The following HDAC4 variants were observed in gnomAD, a reference collection of about 807,000 sequenced individuals.
HDAC4 encodes the protein histone deacetylase A.
A neutral mutation model predicts 135.1 loss-of-function variants in HDAC4; 16 were observed. The ratio of observed to expected loss-of-function variants is 0.12; its 90% CI spans 0.08 to 0.18. The LOEUF (loss-of-function observed/expected upper bound fraction) is 0.18. Ranked by LOEUF, HDAC4 falls within the 10% of genes least tolerant of loss-of-function variation. The probability of loss-of-function intolerance (pLI) is 1.00; values close to 1 mark genes in which losing one functional copy is unlikely to be tolerated. For synonymous variants in HDAC4, 685 were observed against 653.4 expected (o/e 1.05, Z -0.74); for missense variants, 1,143 against 1,511.8 (o/e 0.76, Z 4.05).
At chr2:239,383,126 A>G (rs1175262580) in intron 1 of HDAC4, among the ~76,000 whole-genome samples, 1 of 152,200 alleles carries the variant, frequency 6.6e-6, no homozygotes, top group African/African-American at 2.4e-5. Flanking sequence ...ACGGTCTCAC[A>G]GTCCAGTTCA....
At chr2:239,089,964 T>A in intron 18 of HDAC4, 45 bp downstream of exon 18, 2 of 1,398,284 alleles carry the variant, frequency 1.4e-6, no homozygotes, top group Non-Finnish European at 2.0e-6. Context: ...TGGGAATCTA[T>A]GGCAGGCCTC....
intron 17 of HDAC4, chr2:239,091,336 C>T (rs2036486712): frequency 6.6e-6 from 1 of 152,262 alleles, no homozygotes; most frequent in Non-Finnish European, 1.5e-5. Flanking sequence ...AAGTGTGTCC[C>T]TTGCCTGCAA....
intron 2 of HDAC4, among the ~76,000 whole-genome samples, chr2:239,351,180 T>G (rs1054922488): frequency 1.3e-5 from 2 of 152,246 alleles, no homozygotes; most frequent in East Asian, 3.8e-4. Context: ...TCCTGGAATT[T>G]GTCTAGTAGT....
intron 23 of HDAC4, among the ~76,000 whole-genome samples, chr2:239,067,160 A>G (rs967492516): frequency 6.6e-6 from 1 of 152,240 alleles, no homozygotes; most frequent in African/African-American, 2.4e-5. Flanking sequence ...CGGCCCCCGC[A>G]GAGGGGCTAT....
At chr2:239,093,525 T>C (rs1217331477) in intron 17 of HDAC4, among the ~76,000 whole-genome samples, 1 of 152,184 alleles carries the variant, frequency 6.6e-6, no homozygotes, top group African/African-American at 2.4e-5. Flanking sequence ...TCTTCTTCCT[T>C]TTGGAAAACA....
At chr2:239,239,449 G>T (rs1224925690) in intron 2 of HDAC4, among the ~76,000 whole-genome samples, 1 of 152,134 alleles carries the variant, frequency 6.6e-6, no homozygotes, top group South Asian at 2.1e-4. Flanking sequence ...TCGTCTCTGC[G>T]TCCTGGTGAC....
At chr2:239,289,966 A>T (rs1451307996) in intron 2 of HDAC4, among the ~76,000 whole-genome samples, 1 of 152,238 alleles carries the variant, frequency 6.6e-6, no homozygotes, top group African/African-American at 2.4e-5. Context: ...ACCATTTTTG[A>T]GTTAAGGAAA....
At chr2:239,376,035 G>T (rs1409381722) in intron 1 of HDAC4, among the ~76,000 whole-genome samples, 1 of 152,236 alleles carries the variant, frequency 6.6e-6, no homozygotes, top group East Asian at 1.9e-4. Context: ...CCTAAAGCAG[G>T]GCTGGCAGGT....
chr2:239,146,815 T>C lies in HDAC4; in HGVS notation c.734-2101A>G, dbSNP rs181972904. 4.9e-3 allele frequency among the ~76,000 whole-genome samples: 682 copies of C among 139,612 alleles called. 3 individuals carry two copies. The highest frequency in any genetic ancestry group is 0.018 in the African/African-American group (650 of 37,080). The allele number at this position is 139,612 out of a possible 152,430, so 91.6% of individuals were successfully genotyped here. On this transcript the variant is annotated intron_variant, in intron 7 of 26. Coordinates refer to ENST00000543185, the MANE Select transcript of HDAC4 (RefSeq NM_001378414.1). This position sits in a 1 kb window ranked among gnomAD's most constrained non-coding sequence, Gnocchi z 4.5. ...TGCCCCCATCACAGCCCCACTGCCC[T>C]GTCTTCCTCACAGCAGCCTTCTCAC...
At chr2:239,388,514 G>C (rs1284819562) in intron 1 of HDAC4, among the ~76,000 whole-genome samples, 2 of 152,224 alleles carry the variant, frequency 1.3e-5, no homozygotes, top group African/African-American at 4.8e-5. Context: ...AGCATCCTCA[G>C]ATGACCAGCA....
intron 2 of HDAC4, among the ~76,000 whole-genome samples, chr2:239,327,377 C>T (rs1006214222): frequency 6.6e-6 from 1 of 152,220 alleles, no homozygotes; most frequent in Non-Finnish European, 1.5e-5. Context: ...GAAACTGGGG[C>T]CCAGGTCCCC....
At chr2:239,092,474 C>T (rs1334039955) in intron 17 of HDAC4, among the ~76,000 whole-genome samples, 8 of 152,148 alleles carry the variant, frequency 5.3e-5, no homozygotes, top group Admixed American at 5.2e-4. Context: ...TGTACTACAC[C>T]CGTGTTCTGA....
intron 2 of HDAC4, among the ~76,000 whole-genome samples, chr2:239,317,586 T>C (rs78263405): frequency 6.6e-6 from 1 of 152,202 alleles, no homozygotes. Flanking sequence ...GGCAGCAGAA[T>C]AGATATTGAT....
intron 6 of HDAC4, among the ~76,000 whole-genome samples, chr2:239,158,990 C>T (rs545428204): frequency 3.3e-5 from 5 of 151,988 alleles, no homozygotes; most frequent in South Asian, 2.1e-4. Flanking sequence ...CCATGCCTCA[C>T]GCTACTCACA....
chr2:239,268,284 C>A (rs1411865528), intron 2 of HDAC4, among the ~76,000 whole-genome samples: 1 of 143,724 alleles, frequency 7.0e-6, no homozygotes, highest in Non-Finnish European at 1.6e-5. Flanking sequence ...GCGGGCCAGG[C>A]CCCACTGACA....
chr2:239,151,165 A>G (rs2042095029), intron 7 of HDAC4, among the ~76,000 whole-genome samples: 1 of 152,272 alleles, frequency 6.6e-6, no homozygotes, highest in Non-Finnish European at 1.5e-5. Context: ...CTACACACAG[A>G]TAAGAACAAA....
At position 239,240,264 on chromosome 2, in the gene HDAC4, C is replaced by T. The variant is rs111721060; in HGVS notation, c.23-3600G>A. ...AAAGCGTGGCCAGTGGGGCAAAGAACGTCTGTCACCAGGGTGAAATAGACA... is the reference window on the plus strand; with the variant it reads ...AAAGCGTGGCCAGTGGGGCAAAGAATGTCTGTCACCAGGGTGAAATAGACA... On this transcript the variant is annotated intron_variant, in intron 2 of 26. Coordinates refer to ENST00000543185, the MANE Select transcript of HDAC4 (RefSeq NM_001378414.1). The surrounding 1 kb of genome is among the most constrained non-coding windows in gnomAD (Gnocchi z 4.5). Among the ~76,000 whole-genome samples, 304 of 152,352 alleles carry T rather than the reference C, an allele frequency of 2.0e-3. 1 individual carries two copies. The highest frequency in any genetic ancestry group is 7.1e-3 in the African/African-American group (297 of 41,580).
At chr2:239,105,538 G>A (rs772430888) in intron 15 of HDAC4, among the ~76,000 whole-genome samples, 15 of 152,204 alleles carry the variant, frequency 9.9e-5, no homozygotes, top group Non-Finnish European at 2.2e-4. Context: ...AGTATCGACA[G>A]GGTCCCAAGC....
At chr2:239,253,184 T>G (rs1207382875) in intron 2 of HDAC4, among the ~76,000 whole-genome samples, 1 of 152,242 alleles carries the variant, frequency 6.6e-6, no homozygotes, top group Non-Finnish European at 1.5e-5. Flanking sequence ...CTTGTACCAC[T>G]GCGTTAGCGT....
Sources: gnomAD v4.1 joint callset for allele counts (sites outside exome capture counted in the v4.1 genomes callset) on GRCh38, gnomAD v4.1.1 for gene constraint, Gnocchi (gnomAD v3.1) non-coding constraint, MANE v1.5 for transcripts, NCBI Gene and HGNC (gene_info 2026-07-23, HGNC 2026-07-21) for gene names.